PPHLN1: variants seen among roughly 807,000 people sequenced by gnomAD.
PPHLN1 encodes periphilin-1.
In PPHLN1, 29 loss-of-function variants were observed where a neutral mutation model predicts 51.3. The observed-to-expected ratio is 0.57, with a 90% CI of 0.42 to 0.77. The LOEUF is 0.77. PPHLN1 is among the 30% of genes least tolerant of loss of function. The probability of loss-of-function intolerance (pLI) is 0.00; values close to 1 mark genes in which losing one functional copy is unlikely to be tolerated. For synonymous variants in PPHLN1, 147 were observed against 147.8 expected (o/e 0.99, Z 0.04); for missense variants, 436 against 438.4 (o/e 0.99, Z 0.05).
chr12:42,330,313 A>C (rs1015126165), intron 1 of PPHLN1, among the ~76,000 whole-genome samples: 2 of 152,124 alleles, frequency 1.3e-5, no homozygotes, highest in African/African-American at 4.8e-5. Flanking sequence ...CAACCGCAAG[A>C]GGCCTTCCTC....
chr12:42,416,459 C>T (rs1021283439), intron 9 of PPHLN1, among the ~76,000 whole-genome samples: 13 of 152,190 alleles, frequency 8.5e-5, no homozygotes, highest in African/African-American at 2.7e-4. Flanking sequence ...TCCAACAATA[C>T]TGCCCTTACT....
At chr12:42,426,794 G>A (rs1288637032) in intron 9 of PPHLN1, among the ~76,000 whole-genome samples, 4 of 152,122 alleles carry the variant, frequency 2.6e-5, no homozygotes, top group African/African-American at 9.7e-5. Flanking sequence ...ATTGGACCCA[G>A]TAACAGTTAA....
intron 9 of PPHLN1, among the ~76,000 whole-genome samples, chr12:42,402,530 C>A (rs2078935189): frequency 6.6e-6 from 1 of 152,116 alleles, no homozygotes; most frequent in African/African-American, 2.4e-5. Flanking sequence ...CTTCGCTTTT[C>A]CCTCCAAATA....
intron 4 of PPHLN1, among the ~76,000 whole-genome samples, chr12:42,367,639 A>G (rs565088769): frequency 6.6e-6 from 1 of 152,252 alleles, no homozygotes; most frequent in East Asian, 1.9e-4. Flanking sequence ...CTTCCATTGA[A>G]TTATCTTCGT....
At chr12:42,432,211 G>A (rs2082098424) in intron 9 of PPHLN1, 1 of 801,562 alleles carries the variant, frequency 1.2e-6, no homozygotes, top group Admixed American at 1.7e-5. Flanking sequence ...CTATTTCAGA[G>A]GGGTTAGACA....
chr12:42,349,712 A>G (rs958139498), intron 2 of PPHLN1, among the ~76,000 whole-genome samples: 5 of 152,092 alleles, frequency 3.3e-5, no homozygotes, highest in African/African-American at 1.2e-4. Context: ...TTCAGAGAGC[A>G]CGGGGTTGGG....
At chr12:42,355,012 T>C (rs2073870170) in intron 3 of PPHLN1, 149 bp from the exon 4 acceptor site, 1 of 673,656 alleles carries the variant, frequency 1.5e-6, no homozygotes, top group South Asian at 1.6e-5. Flanking sequence ...CTTTCAGTTG[T>C]TGAAATGGAT....
chr12:42,403,649 A>G (rs375143674), intron 9 of PPHLN1, among the ~76,000 whole-genome samples: 3 of 152,344 alleles, frequency 2.0e-5, no homozygotes, highest in South Asian at 2.1e-4. Context: ...AAATCTAGAT[A>G]GTACAGATAC....
intron 2 of PPHLN1, among the ~76,000 whole-genome samples, chr12:42,348,558 T>C (rs867640048): frequency 1.3e-5 from 2 of 152,190 alleles, no homozygotes; most frequent in South Asian, 2.1e-4. Flanking sequence ...CCAGATAACT[T>C]TCTAATAACT....
chr12:42,404,141 AT>A (rs2079079657), intron 9 of PPHLN1, among the ~76,000 whole-genome samples: 1 of 152,062 alleles, frequency 6.6e-6, no homozygotes, highest in East Asian at 1.9e-4. Context: ...ATGTATGAAA[AT>A]TACCATACAG....
chr12:42,396,369 C>G (rs2078194681), intron 8 of PPHLN1, among the ~76,000 whole-genome samples: 1 of 151,938 alleles, frequency 6.6e-6, no homozygotes, highest in African/African-American at 2.4e-5. Context: ...TGTATATCCA[C>G]TTGTGTCAGA....
At chr12:42,329,935 CTG>C (rs1039968555) in intron 1 of PPHLN1, 1 of 152,202 alleles carries the variant, frequency 6.6e-6, no homozygotes, top group African/African-American at 2.4e-5. Flanking sequence ...CGGCACCAGT[CTG>C]TGAGTTCCCT....
chr12:42,336,966 A>C (rs1421551590), intron 2 of PPHLN1, among the ~76,000 whole-genome samples: 1 of 152,224 alleles, frequency 6.6e-6, no homozygotes, highest in Non-Finnish European at 1.5e-5. Flanking sequence ...CCTAGATTAC[A>C]ATCCAGGTTG....
intron 9 of PPHLN1, among the ~76,000 whole-genome samples, chr12:42,411,932 C>G (rs1411597433): frequency 1.8e-5 from 2 of 112,318 alleles, no homozygotes; most frequent in South Asian, 2.9e-4. Flanking sequence ...AAGGGCTGGG[C>G]GCGGTATCTC....
At chr12:42,442,629 TCGCTCGGC>T (rs2083057636), downstream of PPHLN1, 1 of 1,613,864 alleles carries the variant, frequency 6.2e-7, no homozygotes, top group African/African-American at 1.3e-5. Context: ...TTTCATCCGG[TCGCTCGGC>T]CAGAGTCTGC....
At chr12:42,393,372 T>G (rs1180375324) in intron 7 of PPHLN1, among the ~76,000 whole-genome samples, 198 bp from the exon 8 acceptor site, 1 of 152,118 alleles carries the variant, frequency 6.6e-6, no homozygotes, top group Non-Finnish European at 1.5e-5. Context: ...TTAGATCTGG[T>G]CTATATGTCC....
At chr12:42,433,953 A>G (rs976291812) in intron 9 of PPHLN1, among the ~76,000 whole-genome samples, 2 of 152,194 alleles carry the variant, frequency 1.3e-5, no homozygotes, top group Non-Finnish European at 1.5e-5. Context: ...TTATTTTAAA[A>G]AAACATAACA....
chr12:42,410,365 A>G (rs1592810566), intron 9 of PPHLN1, among the ~76,000 whole-genome samples: 1 of 152,246 alleles, frequency 6.6e-6, no homozygotes, highest in East Asian at 1.9e-4. Context: ...ATTCTTATTC[A>G]CTGAATTCAT....
chr12:42,437,277 A>G (rs2082562694), intron 9 of PPHLN1, among the ~76,000 whole-genome samples: 1 of 151,858 alleles, frequency 6.6e-6, no homozygotes, highest in Non-Finnish European at 1.5e-5. Flanking sequence ...CTCTAACACC[A>G]TTTTCTACTA....
Sources: gnomAD v4.1 joint callset for allele counts (sites outside exome capture counted in the v4.1 genomes callset) on GRCh38, gnomAD v4.1.1 for gene constraint, MANE v1.5 for transcripts, NCBI Gene and HGNC (gene_info 2026-07-23, HGNC 2026-07-21) for gene names.